NKAIN3: variants seen among roughly 807,000 people sequenced by gnomAD.
NKAIN3 encodes the protein sodium/potassium transporting ATPase interacting 3.
NKAIN3 carries 25 observed loss-of-function variants against 30.2 expected under a neutral mutation model. The observed-to-expected ratio is 0.83, with a 90% CI of 0.60 to 1.16. NKAIN3 has a LOEUF of 1.16. NKAIN3 is among the 50% of genes most tolerant of loss of function. The pLI, the probability that NKAIN3 is intolerant of heterozygous loss-of-function variation, is 0.00. For synonymous variants in NKAIN3, 91 were observed against 89.6 expected (o/e 1.02, Z -0.09); for missense variants, 225 against 254.1 (o/e 0.89, Z 0.78).
In NKAIN3 at chr8:62,965,451, G is replaced by T. The variant is rs540569016; in HGVS notation, c.*44G>T. 1.6e-5 allele frequency: 16 copies of T among 985,522 alleles called. No individual in the cohort carries two copies. The highest frequency in any genetic ancestry group is 1.9e-5 in the Non-Finnish European group (16 of 829,900). 61.0% of individuals were successfully genotyped at this position (985,522 alleles called of 1,614,324 possible). ...CTGCGCGCCTCGGTGGATCCGACCC[G>T]CCTGACATTCCTTCCAGAGGCTAGA... On this transcript the variant is annotated 3_prime_UTR_variant, in exon 7 of 7. Coordinates refer to ENST00000623646, the MANE Select transcript of NKAIN3 (RefSeq NM_001304533.3).
At chr8:62,906,475 T>C (rs1054653197) in intron 4 of NKAIN3, among the ~76,000 whole-genome samples, 1 of 152,250 alleles carries the variant, frequency 6.6e-6, no homozygotes, top group South Asian at 2.1e-4. Context: ...GAGGATAAAA[T>C]AACTAACAAG....
intron 1 of NKAIN3, among the ~76,000 whole-genome samples, chr8:62,396,962 A>C (rs1012497807): frequency 3.9e-5 from 6 of 152,336 alleles, no homozygotes; most frequent in Middle Eastern, 3.4e-3. Context: ...TGATATACAT[A>C]CAGGTTTTAA....
Position 62,891,992 on chromosome 8 carries a change from T to A in NKAIN3, c.472-26461T>A, listed in dbSNP as rs574651282. ...AGTGGAATAAGGCTTAAACTCCTGC[T>A]ATTTGTAGGATTAGAATTGGTAGCA... On this transcript the variant is annotated intron_variant, in intron 4 of 6. Transcript: ENST00000623646. Among the ~76,000 whole-genome samples the A allele has an allele frequency of 4.6e-5, 7 of 152,186 alleles. 1 individual carries two copies. In the South Asian group the frequency reaches 1.4e-3, roughly 31 times the overall value.
At chr8:62,289,577 G>A (rs1042884623) in intron 1 of NKAIN3, among the ~76,000 whole-genome samples, 1 of 152,048 alleles carries the variant, frequency 6.6e-6, no homozygotes, top group African/African-American at 2.4e-5. Context: ...ATTTCTGGGG[G>A]CTCTATTCTA....
At chr8:62,534,864 T>G (rs1294253507) in intron 1 of NKAIN3, among the ~76,000 whole-genome samples, 1 of 151,500 alleles carries the variant, frequency 6.6e-6, no homozygotes, top group African/African-American at 2.4e-5. Flanking sequence ...TTTATTGGTT[T>G]TTTTTTTTTT....
intron 5 of NKAIN3, among the ~76,000 whole-genome samples, chr8:62,994,758 C>A (rs192778725): frequency 3.4e-4 from 52 of 152,180 alleles, no homozygotes; most frequent in Non-Finnish European, 6.2e-4. Flanking sequence ...TCTGGAGAGT[C>A]CTTTCAGGTG....
chr8:62,559,215 CT>C (rs560039427), intron 1 of NKAIN3, among the ~76,000 whole-genome samples: 96 of 151,736 alleles, frequency 6.3e-4, no homozygotes, highest in Middle Eastern at 3.4e-3. Flanking sequence ...CTGTAGTATA[CT>C]TTTTTTTATA....
chr8:62,843,630 C>T (rs1372005787), intron 4 of NKAIN3, among the ~76,000 whole-genome samples: 4 of 152,042 alleles, frequency 2.6e-5, no homozygotes, highest in East Asian at 3.9e-4. Context: ...TCACCATGGC[C>T]GGCCCCTGCT....
intron 1 of NKAIN3, among the ~76,000 whole-genome samples, chr8:62,528,246 A>G (rs937436668): frequency 6.9e-6 from 1 of 145,976 alleles, no homozygotes; most frequent in Non-Finnish European, 1.5e-5. Context: ...GGGAGGGACA[A>G]AGTGGGGCAA....
chr8:62,322,640 A>G (rs540357148), intron 1 of NKAIN3, among the ~76,000 whole-genome samples: 65 of 152,346 alleles, frequency 4.3e-4, no homozygotes, highest in Middle Eastern at 3.4e-3. Flanking sequence ...ATCTTCATAC[A>G]GTTGCTAAAT....
chr8:62,880,946 CCCA>C (rs1184773242), intron 4 of NKAIN3, among the ~76,000 whole-genome samples: 2 of 152,130 alleles, frequency 1.3e-5, no homozygotes, highest in African/African-American at 4.8e-5. Context: ...CACAGCTTTC[CCCA>C]CCATCAGTAT....
At chr8:62,884,430 C>T (rs1416968609) in intron 4 of NKAIN3, among the ~76,000 whole-genome samples, 1 of 151,952 alleles carries the variant, frequency 6.6e-6, no homozygotes, top group South Asian at 2.1e-4. Context: ...AGCTAATTTT[C>T]TATTTTTAGT....
At chr8:62,333,019 A>T (rs1215892804) in intron 1 of NKAIN3, among the ~76,000 whole-genome samples, 1 of 152,160 alleles carries the variant, frequency 6.6e-6, no homozygotes, top group Non-Finnish European at 1.5e-5. Flanking sequence ...ACCAACAAAA[A>T]ACAGTTGTTT....
In NKAIN3 at chr8:62,984,489, A is replaced by C. The variant is rs1824161936; in HGVS notation, c.*19082A>C. The C allele has an allele frequency of 6.6e-6, 1 of 152,132 alleles. No individual in the cohort carries two copies. The highest frequency in any genetic ancestry group is 1.5e-5 in the Non-Finnish European group (1 of 68,026). The allele number at this position is 152,132 out of a possible 1,614,324, so 9.4% of individuals were successfully genotyped here. ...ACTGGAATTCAATGTAAAAATCTTG[A>C]ATGATATTTTGTACTGATATGAATT... On this transcript the variant is annotated 3_prime_UTR_variant, in exon 7 of 7. Coordinates refer to ENST00000623646, the MANE Select transcript of NKAIN3 (RefSeq NM_001304533.3).
chr8:62,585,644 T>C (rs827688), intron 2 of NKAIN3, among the ~76,000 whole-genome samples: 30,926 of 152,082 alleles, frequency 0.2, 3,272 homozygotes, highest in East Asian at 0.31. Context: ...AGGGCTTGTG[T>C]TCCTATGAGA....
At chr8:62,891,800 T>C (rs566265306) in intron 4 of NKAIN3, among the ~76,000 whole-genome samples, 26 of 152,254 alleles carry the variant, frequency 1.7e-4, no homozygotes, top group African/African-American at 6.0e-4. Flanking sequence ...CTTCCCTCTT[T>C]CTCCTTCTTT....
At chr8:62,376,989 G>T (rs942381835) in intron 1 of NKAIN3, among the ~76,000 whole-genome samples, 1 of 151,916 alleles carries the variant, frequency 6.6e-6, no homozygotes, top group Non-Finnish European at 1.5e-5. Context: ...GACCTACATT[G>T]TATGCAGATA....
chr8:62,337,071 T>C (rs150371153), intron 1 of NKAIN3, among the ~76,000 whole-genome samples: 16 of 152,186 alleles, frequency 1.1e-4, no homozygotes, highest in African/African-American at 3.6e-4. Context: ...AGGGTGTCTC[T>C]GCATGGTTTC....
At chr8:62,588,912 T>TA (rs1228646916) in intron 2 of NKAIN3, among the ~76,000 whole-genome samples, 1 of 151,838 alleles carries the variant, frequency 6.6e-6, no homozygotes, top group African/African-American at 2.4e-5. Flanking sequence ...TTTGTCTGCA[T>TA]AAAAAAGTGA....
Sources: gnomAD v4.1 joint callset for allele counts (sites outside exome capture counted in the v4.1 genomes callset) on GRCh38, gnomAD v4.1.1 for gene constraint, MANE v1.5 for transcripts, NCBI Gene and HGNC (gene_info 2026-07-23, HGNC 2026-07-21) for gene names.